The following SLC14A2 variants were observed in gnomAD, a reference collection of about 807,000 sequenced individuals.
The protein encoded by SLC14A2 is urea transporter 2.
In SLC14A2, 91 loss-of-function variants were observed where a neutral mutation model predicts 104.6. The observed-to-expected ratio is 0.87, with a 90% CI of 0.73 to 1.04. The LOEUF is 1.04. SLC14A2 is among the 50% of genes least tolerant of loss of function. SLC14A2 has a pLI of 0.00. For synonymous variants in SLC14A2, 476 were observed against 466.4 expected (o/e 1.02, Z -0.27); for missense variants, 1,189 against 1,156.0 (o/e 1.03, Z -0.41).
At chr18:45,642,436 G>A (rs1416061142) in intron 8 of SLC14A2, among the ~76,000 whole-genome samples, 4 of 152,222 alleles carry the variant, frequency 2.6e-5, no homozygotes, top group Non-Finnish European at 5.9e-5. Flanking sequence ...AGCCTACAGG[G>A]GGAGGCTAGG....
chr18:45,526,965 T>C (rs2144821387), intron 2 of SLC14A2, among the ~76,000 whole-genome samples: 1 of 152,282 alleles, frequency 6.6e-6, no homozygotes, highest in East Asian at 1.9e-4. Context: ...ATTGGATGGA[T>C]AATAATGGAA....
At chr18:45,327,012 A>G (rs543765206) in intron 1 of SLC14A2, among the ~76,000 whole-genome samples, 145 of 151,802 alleles carry the variant, frequency 9.6e-4, no homozygotes, top group Non-Finnish European at 1.1e-3. Flanking sequence ...CAGTCATTCT[A>G]TCTATCTGTC....
At chr18:45,439,205 G>T (rs1451317192) in intron 1 of SLC14A2, among the ~76,000 whole-genome samples, 26 of 152,136 alleles carry the variant, frequency 1.7e-4, no homozygotes, top group Non-Finnish European at 1.5e-5. Flanking sequence ...CTTGAGCCCA[G>T]AAGTTTGAGG....
At chr18:45,373,565 G>A (rs1441394885) in intron 1 of SLC14A2, among the ~76,000 whole-genome samples, 1 of 152,164 alleles carries the variant, frequency 6.6e-6, no homozygotes, top group Non-Finnish European at 1.5e-5. Flanking sequence ...AGGCTTAAGT[G>A]GAACACCAGA....
At chr18:45,535,457 T>C (rs1188766669) in intron 2 of SLC14A2, among the ~76,000 whole-genome samples, 2 of 152,216 alleles carry the variant, frequency 1.3e-5, no homozygotes, top group African/African-American at 4.8e-5. Context: ...GTAGCGTTCT[T>C]ATTGAATTGT....
At chr18:45,278,336 G>A (rs1249822876) in intron 1 of SLC14A2, among the ~76,000 whole-genome samples, 1 of 152,182 alleles carries the variant, frequency 6.6e-6, no homozygotes, top group Non-Finnish European at 1.5e-5. Context: ...AATCTGTCCT[G>A]TGCATTTTAT....
intron 1 of SLC14A2, among the ~76,000 whole-genome samples, chr18:45,295,733 A>G (rs2084912427): frequency 6.6e-6 from 1 of 152,288 alleles, no homozygotes; most frequent in South Asian, 2.1e-4. Flanking sequence ...ACCACCAATC[A>G]CATTGGCTAT....
At chr18:45,566,790 G>C (rs573810986) in intron 2 of SLC14A2, among the ~76,000 whole-genome samples, 40 of 152,334 alleles carry the variant, frequency 2.6e-4, no homozygotes, top group African/African-American at 9.1e-4. Flanking sequence ...GGGCGGTACA[G>C]ACAGAGAATA....
At chr18:45,221,238 T>A (rs1285282939) in intron 1 of SLC14A2, among the ~76,000 whole-genome samples, 1 of 152,230 alleles carries the variant, frequency 6.6e-6, no homozygotes, top group Non-Finnish European at 1.5e-5. Flanking sequence ...CTTCTAAATG[T>A]TGTCTTTGCT....
intron 2 of SLC14A2, among the ~76,000 whole-genome samples, chr18:45,498,853 T>C (rs2043145306): frequency 6.6e-6 from 1 of 152,350 alleles, no homozygotes; most frequent in South Asian, 2.1e-4. Context: ...TCACTGTCTC[T>C]CCTTCCTACT....
At chr18:45,293,706 AGT>A (rs2084893696) in intron 1 of SLC14A2, among the ~76,000 whole-genome samples, 1 of 152,202 alleles carries the variant, frequency 6.6e-6, no homozygotes, top group African/African-American at 2.4e-5. Context: ...GCCAGTGTGC[AGT>A]GTGTTTCTTT....
chr18:45,285,871 A>G (rs1210881443), intron 1 of SLC14A2, among the ~76,000 whole-genome samples: 1 of 152,156 alleles, frequency 6.6e-6, no homozygotes, highest in Non-Finnish European at 1.5e-5. Flanking sequence ...TCCTCAGAAC[A>G]GTGGTTCTCA....
rs547571983 is a variant in SLC14A2 at position 45,326,969 on chromosome 18, A to G, written c.-125+113778A>G. Among the ~76,000 whole-genome samples the G allele has an allele frequency of 2.0e-5, 3 of 152,282 alleles. No individual in the cohort carries two copies. The South Asian group carries it at 6.2e-4, about 32-fold the overall frequency. On this transcript the variant is annotated intron_variant, in intron 1 of 20. Coordinates refer to the SLC14A2 transcript ENST00000586448. ...ACAGAACCAGACTTTTCCCTTCTCT[A>G]TTTGAGATATCTCTATATATCAATC...
At chr18:45,591,373 T>C (rs1237434134) in intron 2 of SLC14A2, among the ~76,000 whole-genome samples, 6 of 152,212 alleles carry the variant, frequency 3.9e-5, no homozygotes, top group African/African-American at 1.4e-4. Flanking sequence ...TCTCGCTCTG[T>C]TGCCCAGGCT....
chr18:45,552,534 C>G (rs974814805), intron 2 of SLC14A2, among the ~76,000 whole-genome samples: 1 of 152,208 alleles, frequency 6.6e-6, no homozygotes. Context: ...GACAAAGTAC[C>G]TGTTCTCACA....
Position 45,625,733 on chromosome 18 carries a change from C to A in SLC14A2, c.201C>A (p.Leu67=). The change falls in exon 3 of 20, where the codon CTC becomes CTA. Residue 67 remains leucine, a synonymous_variant. Coordinates refer to ENST00000255226, the MANE Select transcript of SLC14A2 (RefSeq NM_007163.4). ...GTCACATTGTGAAGATCGAAAAGCT[C>A]AATGAAAGGAGTAAAAGGAAAGACG... ...EDSHIVKIEK[L]NERSKRKDDG... 1 of 1,565,194 alleles carries A rather than the reference C, an allele frequency of 6.4e-7. No homozygotes were observed. The highest frequency in any genetic ancestry group is 1.2e-5 in the South Asian group (1 of 81,794).
At chr18:45,650,585 G>A (rs2045716588) in intron 10 of SLC14A2, among the ~76,000 whole-genome samples, 3 of 152,170 alleles carry the variant, frequency 2.0e-5, no homozygotes, top group Admixed American at 1.3e-4. Flanking sequence ...CAACAAACCA[G>A]GAAAGAATCA....
chr18:45,216,652 A>G (rs548509860), intron 1 of SLC14A2, among the ~76,000 whole-genome samples: 1 of 152,296 alleles, frequency 6.6e-6, no homozygotes, highest in East Asian at 1.9e-4. Context: ...TGCAATGCAC[A>G]CATCATGTGT....
chr18:45,606,743 A>C (rs1213369159), intron 2 of SLC14A2, among the ~76,000 whole-genome samples: 4 of 87,264 alleles, frequency 4.6e-5, no homozygotes, highest in East Asian at 4.4e-4. Context: ...TTAAAAAAAA[A>C]AAAACAAAAC....
Sources: gnomAD v4.1 joint callset for allele counts (sites outside exome capture counted in the v4.1 genomes callset) on GRCh38, gnomAD v4.1.1 for gene constraint, MANE v1.5 for transcripts, NCBI Gene and HGNC (gene_info 2026-07-23, HGNC 2026-07-21) for gene names.